Variants in FERMT1 observed in about 807,000 individuals in gnomAD.
The protein encoded by FERMT1 is fermitin family homolog 1.
Under a neutral mutation model 85.3 loss-of-function variants are expected in FERMT1, and 60 were observed. The observed-to-expected ratio is 0.70, with a 90% CI of 0.57 to 0.87. The LOEUF (loss-of-function observed/expected upper bound fraction) is 0.87, where lower values mean the gene tolerates loss of function less well. Ranked by LOEUF, FERMT1 falls within the 40% of genes least tolerant of loss-of-function variation. The pLI is 0.00. For synonymous variants in FERMT1, 275 were observed against 301.1 expected, an observed-to-expected ratio of 0.91 and a Z score of 0.90; for missense variants, 701 against 818.9, an observed-to-expected ratio of 0.86 and a Z score of 1.76.
intron 3 of FERMT1, 72 bp downstream of exon 3, chr20:6,115,739 A>T: frequency 9.0e-7 from 1 of 1,107,574 alleles, no homozygotes; most frequent in South Asian, 1.3e-5. Flanking sequence ...AAGTAGGCAG[A>T]ATGCACACAT....
At chr20:6,119,669 T>A in intron 1 of FERMT1, 97 bp from the exon 2 acceptor site, 1 of 1,000,360 alleles carries the variant, frequency 1.0e-6, no homozygotes, top group Non-Finnish European at 1.5e-6. Context: ...GTTTTGTTTT[T>A]CATTGTAACC....
At chr20:6,119,105 G>A (rs937767448) in intron 2 of FERMT1, among the ~76,000 whole-genome samples, 5 of 152,074 alleles carry the variant, frequency 3.3e-5, no homozygotes, top group African/African-American at 9.7e-5. Flanking sequence ...CCACCGCCAC[G>A]CCAGGCTAAT....
intron 4 of FERMT1, among the ~76,000 whole-genome samples, chr20:6,112,065 G>T (rs1372709080): frequency 6.6e-6 from 1 of 151,870 alleles, no homozygotes; most frequent in Non-Finnish European, 1.5e-5. Flanking sequence ...TAATGGAGAT[G>T]GAGTCTCACC....
At chr20:6,103,196 T>C (rs891297930) in intron 6 of FERMT1, among the ~76,000 whole-genome samples, 11 of 152,228 alleles carry the variant, frequency 7.2e-5, no homozygotes, top group African/African-American at 2.2e-4. Context: ...AATGGTAGTT[T>C]CTCTATGGGC....
intron 10 of FERMT1, among the ~76,000 whole-genome samples, chr20:6,088,434 C>T (rs1189081663): frequency 1.3e-5 from 2 of 152,124 alleles, no homozygotes; most frequent in Non-Finnish European, 2.9e-5. Flanking sequence ...AAACTCTGGA[C>T]ACACTGAGAA....
At position 6,110,480 on chromosome 20, in the gene FERMT1, G is replaced by T. The variant is rs1982917264; in HGVS notation, c.564C>A (p.Thr188=). The change falls in exon 5 of 15, where the codon ACC becomes ACA. Residue 188 remains threonine (T), a synonymous_variant. Coordinates refer to ENST00000217289, the MANE Select transcript of FERMT1 (RefSeq NM_017671.5). ...TTCCATTGATGGGGTCATATATAGGGGTCATGGTTTTACTGTATAAACCAG... is the reference window on the plus strand; with the variant it reads ...TTCCATTGATGGGGTCATATATAGGTGTCATGGTTTTACTGTATAAACCAG... ...VSPGLYSKTM[T]PIYDPINGTP... The T allele has an allele frequency of 9.9e-6, 16 of 1,614,090 alleles. No individual in the cohort carries two copies. The highest frequency in any genetic ancestry group is 1.2e-5 in the Non-Finnish European group (14 of 1,180,010).
At chr20:6,089,181 T>A in intron 9 of FERMT1, 92 bp from the exon 10 acceptor site, 6 of 1,306,172 alleles carry the variant, frequency 4.6e-6, no homozygotes, top group Non-Finnish European at 6.5e-6. Context: ...GATGTTTGTG[T>A]CAAAGAAAAC....
At position 6,084,944 on chromosome 20, in the gene FERMT1, T is replaced by C. The variant is rs112960168; in HGVS notation, c.1593+122A>G. The C allele has an allele frequency of 2.9e-5, 26 of 886,692 alleles. 1 individual carries two copies. The highest frequency in any genetic ancestry group is 3.2e-4 in the Middle Eastern group (1 of 3,156). The allele number at this position is 886,692 out of a possible 1,614,324, so 54.9% of individuals were successfully genotyped here. ...CCAACTTCAAGTGACCCACCCACCT[T>C]GGCCTCCCAAAGTGCTGGAATTACA... On this transcript the variant is annotated intron_variant, in intron 12 of 14. Transcript: ENST00000217289.
chr20:6,103,141 G>T (rs1356858645), intron 6 of FERMT1, among the ~76,000 whole-genome samples: 1 of 152,172 alleles, frequency 6.6e-6, no homozygotes, highest in African/African-American at 2.4e-5. Flanking sequence ...GGACAAAAGA[G>T]TGTTCAATAA....
At chr20:6,096,806 ATCAG>A in intron 8 of FERMT1, 92 bp downstream of exon 8, 25 of 1,036,206 alleles carry the variant, frequency 2.4e-5, no homozygotes, top group East Asian at 3.4e-5. Flanking sequence ...TTTTTTCAAA[ATCAG>A]ATGAAATATT....
intron 6 of FERMT1, 67 bp downstream of exon 6, chr20:6,107,465 G>A (rs1038554871): frequency 1.8e-5 from 17 of 924,010 alleles, no homozygotes; most frequent in Non-Finnish European, 2.4e-5. Context: ...ATAAGCAAAT[G>A]CCTCCATTTT....
intron 8 of FERMT1, among the ~76,000 whole-genome samples, chr20:6,096,145 A>G (rs1982492309): frequency 6.6e-6 from 1 of 152,198 alleles, no homozygotes; most frequent in Non-Finnish European, 1.5e-5. Context: ...ACTTTTTGCA[A>G]TGTTCCAGAA....
At chr20:6,087,732 C>G (rs748202323) in intron 11 of FERMT1, 45 bp downstream of exon 11, 8 of 1,060,258 alleles carry the variant, frequency 7.5e-6, no homozygotes, top group Non-Finnish European at 1.0e-5. Context: ...TGCTCTTAGG[C>G]TTAGTGGAGG....
Position 6,119,408 on chromosome 20 carries a change from C to T in FERMT1, c.147G>A (p.Gln49=). 1 of 1,614,106 alleles carries T rather than the reference C, an allele frequency of 6.2e-7. No homozygotes were observed. The change falls in exon 2 of 15, where the codon CAG becomes CAA. Residue 49 remains glutamine, a synonymous_variant. Coordinates refer to ENST00000217289, the MANE Select transcript of FERMT1 (RefSeq NM_017671.5). ...CGTAAAGCAAGAGTAACTTACTGAT[C>T]TGTTCTACTAACTTGAGCATCACTC... is the stretch of plus-strand genomic sequence containing the variant. ...VGGVMLKLVE[Q]INISQDWSDF... is the part of the protein sequence containing the mutation.
intron 3 of FERMT1, among the ~76,000 whole-genome samples, chr20:6,115,353 T>C (rs1341485428): frequency 6.6e-6 from 1 of 152,230 alleles, no homozygotes; most frequent in Admixed American, 6.5e-5. Context: ...AATCACTTCA[T>C]AAGTGATTTT....
intron 3 of FERMT1, among the ~76,000 whole-genome samples, chr20:6,114,059 T>C (rs1390857239): frequency 6.6e-6 from 1 of 152,258 alleles, no homozygotes; most frequent in Non-Finnish European, 1.5e-5. Context: ...GTAAGTGCAC[T>C]GATTCCATTA....
At chr20:6,119,598 A>T in intron 1 of FERMT1, 26 bp from the exon 2 acceptor site, 3 of 1,595,748 alleles carry the variant, frequency 1.9e-6, no homozygotes, top group Non-Finnish European at 2.6e-6. Context: ...GCAGACATAG[A>T]TTGGAATGTG....
chr20:6,108,399 G>T (rs1055390900), intron 5 of FERMT1, among the ~76,000 whole-genome samples: 3 of 152,304 alleles, frequency 2.0e-5, no homozygotes, highest in South Asian at 4.1e-4. Context: ...GTGCTTTATA[G>T]ATTTTTTTCT....
intron 13 of FERMT1, among the ~76,000 whole-genome samples, chr20:6,083,416 A>G (rs1264904897): frequency 6.6e-6 from 1 of 152,172 alleles, no homozygotes; most frequent in Non-Finnish European, 1.5e-5. Context: ...CAGGGTTGCT[A>G]CCTGATAAAC....
Sources: allele counts gnomAD v4.1 joint callset (sites outside exome capture counted in the v4.1 genomes callset), GRCh38; gene constraint gnomAD v4.1.1; transcripts MANE v1.5; gene names NCBI Gene and HGNC (gene_info 2026-07-23, HGNC 2026-07-21).